TRAPPC9: variants seen among roughly 807,000 people sequenced by gnomAD.
The protein encoded by TRAPPC9 is trafficking protein particle complex subunit 9, also known as IKK2 binding protein.
Under a neutral mutation model 124.0 loss-of-function variants are expected in TRAPPC9, and 83 were observed. That is an observed-to-expected ratio of 0.67 (90% CI 0.56 to 0.80). The LOEUF is 0.80. Among genes scored for constraint, TRAPPC9 ranks in the 30% least tolerant of loss-of-function variants. The pLI is 0.00. For missense variants in TRAPPC9, 1,302 were observed against 1,508.3 expected, an observed-to-expected ratio of 0.86 and a Z score of 2.27; for synonymous variants, 638 against 617.5, an observed-to-expected ratio of 1.03 and a Z score of -0.49.
intron 19 of TRAPPC9, among the ~76,000 whole-genome samples, chr8:139,925,546 G>C (rs1220871972): frequency 6.6e-6 from 1 of 151,964 alleles, no homozygotes; most frequent in Non-Finnish European, 1.5e-5. Context: ...CCAGGAGTTC[G>C]AGACCAGCCT....
At chr8:139,771,666 G>A (rs902451416) in intron 21 of TRAPPC9, among the ~76,000 whole-genome samples, 6 of 152,234 alleles carry the variant, frequency 3.9e-5, no homozygotes, top group East Asian at 1.9e-4. Flanking sequence ...CCACACGAGT[G>A]GTAGGCGCTG....
At chr8:140,387,312 G>A (rs748749876) in intron 7 of TRAPPC9, among the ~76,000 whole-genome samples, 19 of 152,246 alleles carry the variant, frequency 1.2e-4, no homozygotes, top group South Asian at 2.1e-4. Context: ...ACATAGGCAC[G>A]GGCAAGGACT....
At chr8:140,422,448 T>C (rs762309758) in intron 5 of TRAPPC9, among the ~76,000 whole-genome samples, 1 of 151,978 alleles carries the variant, frequency 6.6e-6, no homozygotes, top group African/African-American at 2.4e-5. Context: ...GACTCATATA[T>C]AGAATATATA....
chr8:140,416,974 T>C (rs1588313973), intron 5 of TRAPPC9, among the ~76,000 whole-genome samples: 1 of 152,164 alleles, frequency 6.6e-6, no homozygotes, highest in Non-Finnish European at 1.5e-5. Flanking sequence ...GAGGAAAAGA[T>C]TCCCTATTTA....
intron 5 of TRAPPC9, among the ~76,000 whole-genome samples, chr8:140,416,883 G>A (rs1441787565): frequency 6.6e-6 from 1 of 152,076 alleles, no homozygotes; most frequent in Non-Finnish European, 1.5e-5. Flanking sequence ...ATAGACCAAT[G>A]GAACAGAACA....
intron 17 of TRAPPC9, among the ~76,000 whole-genome samples, chr8:140,201,106 G>A (rs915294420): frequency 7.9e-5 from 12 of 152,200 alleles, no homozygotes; most frequent in Admixed American, 2.6e-4. Context: ...GAGTCCAGAG[G>A]GGGAAGAAGA....
At chr8:140,272,087 GT>G (rs1468337322) in intron 15 of TRAPPC9, among the ~76,000 whole-genome samples, 3 of 129,868 alleles carry the variant, frequency 2.3e-5, no homozygotes, top group Non-Finnish European at 5.1e-5. Context: ...TGGTGGTTGT[GT>G]TGATGATGAG....
chr8:140,355,558 T>A (rs1460232599), intron 9 of TRAPPC9, among the ~76,000 whole-genome samples: 1 of 152,148 alleles, frequency 6.6e-6, no homozygotes, highest in Non-Finnish European at 1.5e-5. Context: ...CTGGTAGACC[T>A]TAAAAAGAGA....
intron 21 of TRAPPC9, among the ~76,000 whole-genome samples, chr8:139,882,048 C>T (rs374457097): frequency 6.6e-6 from 1 of 152,078 alleles, no homozygotes; most frequent in Non-Finnish European, 1.5e-5. Flanking sequence ...CAAGGAGAGC[C>T]CCTTGTGAGT....
intron 19 of TRAPPC9, among the ~76,000 whole-genome samples, chr8:139,918,439 A>C (rs1048734657): frequency 2.0e-5 from 3 of 152,238 alleles, no homozygotes; most frequent in African/African-American, 7.2e-5. Flanking sequence ...ATCCTATATC[A>C]CTACCCTCAG....
intron 18 of TRAPPC9, among the ~76,000 whole-genome samples, chr8:140,008,054 G>C (rs1213046318): frequency 6.6e-6 from 1 of 152,158 alleles, no homozygotes; most frequent in Non-Finnish European, 1.5e-5. Context: ...GCCGTGTGAA[G>C]GCTGGGTGCC....
At chr8:140,420,935 G>C (rs886922006) in intron 5 of TRAPPC9, among the ~76,000 whole-genome samples, 2 of 152,278 alleles carry the variant, frequency 1.3e-5, no homozygotes, top group South Asian at 4.1e-4. Flanking sequence ...GAGAGGAAAA[G>C]GCCTAGAAAT....
chr8:140,012,924 G>T (rs1839226465), intron 18 of TRAPPC9, among the ~76,000 whole-genome samples: 1 of 152,086 alleles, frequency 6.6e-6, no homozygotes. Flanking sequence ...GAAGCAAAGG[G>T]GTTACAGGGA....
intron 11 of TRAPPC9, among the ~76,000 whole-genome samples, chr8:140,298,620 T>C (rs376209630): frequency 7.9e-5 from 12 of 151,986 alleles, no homozygotes; most frequent in African/African-American, 2.9e-4. Context: ...CCACTGCACT[T>C]CAGCCTGGGT....
At chr8:139,915,493 C>T (rs1832065502) in intron 19 of TRAPPC9, among the ~76,000 whole-genome samples, 1 of 152,154 alleles carries the variant, frequency 6.6e-6, no homozygotes, top group African/African-American at 2.4e-5. Flanking sequence ...GTGATCTTCC[C>T]ACCTCGGCCT....
intron 17 of TRAPPC9, among the ~76,000 whole-genome samples, chr8:140,205,550 G>C (rs541716758): frequency 7.9e-5 from 12 of 152,224 alleles, no homozygotes; most frequent in African/African-American, 2.9e-4. Context: ...GCCACTTCAC[G>C]GCCTACTTGA....
chr8:139,935,669 CTT>C (rs377706417), intron 19 of TRAPPC9, among the ~76,000 whole-genome samples: 23,988 of 132,350 alleles, frequency 0.18, 1,976 homozygotes, highest in South Asian at 0.25. Context: ...TCAGTCTTTG[CTT>C]TTTTTTTTTT....
Position 140,024,039 on chromosome 8 carries a change from G to A in TRAPPC9, c.2597C>T (p.Pro866Leu), listed in dbSNP as rs199948844. ...CCTGTAATATCCTTCAGTGTGGCCCGGGCCTCCAGAGTATTTGAAATTCAG... is the reference window on the plus strand; with the variant it reads ...CCTGTAATATCCTTCAGTGTGGCCCAGGCCTCCAGAGTATTTGAAATTCAG... ...AVLNFKYSGG[P>L]GHTEGYYRNL... Residue 866 changes from proline (P) to leucine (L), a missense_variant, in exon 18 of 23, where the codon CCG becomes CTG. This residue lies in a region of TRAPPC9 where 640 missense variants were observed against 679.3 expected (regional missense o/e 0.94). Coordinates refer to ENST00000438773, the MANE Select transcript of TRAPPC9 (RefSeq NM_001160372.4). 8.5e-5 allele frequency: 137 copies of A among 1,613,930 alleles called. No homozygotes were observed. The South Asian group carries it at 9.1e-4, about 11-fold the overall frequency.
intron 21 of TRAPPC9, among the ~76,000 whole-genome samples, chr8:139,856,691 G>C (rs1827818463): frequency 1.3e-5 from 2 of 149,654 alleles, no homozygotes. Flanking sequence ...GGACAGGCTT[G>C]CTTTCACTGT....
Sources: allele counts gnomAD v4.1 joint callset (sites outside exome capture counted in the v4.1 genomes callset), GRCh38; gene constraint gnomAD v4.1.1; regional missense constraint gnomAD v4.1.1; transcripts MANE v1.5; gene names NCBI Gene and HGNC (gene_info 2026-07-23, HGNC 2026-07-21).